The following DOCK10 variants were observed in gnomAD, a reference collection of about 807,000 sequenced individuals.
DOCK10 encodes the protein dedicator of cytokinesis 10.
A neutral mutation model predicts 280.1 loss-of-function variants in DOCK10; 145 were observed. The observed-to-expected ratio is 0.52, with a 90% CI of 0.45 to 0.59. The LOEUF (loss-of-function observed/expected upper bound fraction) is 0.59. DOCK10 is among the 20% of genes least tolerant of loss of function. The probability of loss-of-function intolerance (pLI) is 0.00; values close to 1 mark genes in which losing one functional copy is unlikely to be tolerated. For missense variants in DOCK10, 2,368 were observed against 2,651.7 expected, an observed-to-expected ratio of 0.89 and a Z score of 2.35; for synonymous variants, 915 against 942.2, an observed-to-expected ratio of 0.97 and a Z score of 0.53.
At chr2:224,921,112 A>AATATATATATATATATATATAT (rs1201609470) in intron 2 of DOCK10, among the ~76,000 whole-genome samples, 17 of 54,328 alleles carry the variant, frequency 3.1e-4, no homozygotes, top group South Asian at 6.4e-4. Flanking sequence ...AAAAAAAAAA[A>AATATATATATATATATATATAT]ATATATATAT....
At chr2:224,851,314 G>A (rs564376519) in intron 18 of DOCK10, among the ~76,000 whole-genome samples, 2 of 152,174 alleles carry the variant, frequency 1.3e-5, no homozygotes, top group East Asian at 1.9e-4. Flanking sequence ...TGCTCTACAG[G>A]CCAAACGTGC....
intron 51 of DOCK10, 28 bp from the exon 52 acceptor site, chr2:224,775,143 AGTG>A: frequency 6.2e-7 from 1 of 1,603,772 alleles, no homozygotes; most frequent in Non-Finnish European, 8.5e-7. Flanking sequence ...GGGCAAAGTG[AGTG>A]GTGTGCCCTG....
chr2:224,814,380 A>C lies in DOCK10; in HGVS notation c.3365-16T>G, dbSNP rs1693985519. 2 of 1,492,326 alleles carry C rather than the reference A, an allele frequency of 1.3e-6. No homozygotes were observed. Among genetic ancestry groups the C allele is most frequent in the African/African-American group, 2.8e-5 (2 of 71,032 alleles). 92.4% of individuals were successfully genotyped at this position (1,492,326 alleles called of 1,614,324 possible). A position where few individuals can be genotyped will look rare whatever the true frequency, so the allele number is the denominator to read the frequency against. Reference sequence around the variant, plus strand: ...GTCAAAGGATCTGAATTTAATATAAATAAAAAGTTCAGATATATACATATA... The same window carrying C: ...GTCAAAGGATCTGAATTTAATATAACTAAAAAGTTCAGATATATACATATA... On this transcript the variant is annotated splice_polypyrimidine_tract_variant and intron_variant, in intron 30 of 55. Transcript: ENST00000258390.
intron 2 of DOCK10, among the ~76,000 whole-genome samples, chr2:224,926,937 T>C (rs1018716940): frequency 6.6e-6 from 1 of 152,250 alleles, no homozygotes; most frequent in African/African-American, 2.4e-5. Context: ...GTCTCTGTCC[T>C]GCTAGAGGCT....
intron 3 of DOCK10, 137 bp downstream of exon 3, chr2:224,916,558 A>C: frequency 1.8e-6 from 1 of 544,806 alleles, no homozygotes. Context: ...AAAAAAAAAA[A>C]AAAAGACATC....
At position 224,844,888 on chromosome 2, in the gene DOCK10, AAAAT is replaced by A. The variant is rs752461555; in HGVS notation, c.2482-53_2482-50del. The A allele has an allele frequency of 1.6e-5, 20 of 1,270,842 alleles. No individual in the cohort carries two copies. The East Asian group carries it at 1.9e-4, about 12-fold the overall frequency. The allele number at this position is 1,270,842 out of a possible 1,614,324, so 78.7% of individuals were successfully genotyped here. A position where few individuals can be genotyped will look rare whatever the true frequency, so the allele number is the denominator to read the frequency against. On this transcript the variant is annotated intron_variant, in intron 21 of 55. Transcript: ENST00000258390. ...GTCACTGGGACAATTCGAGAGAAAG[AAAAT>A]AAATAGATTGTTTAGTTTATGTTAA...
intron 2 of DOCK10, among the ~76,000 whole-genome samples, chr2:224,929,408 T>A (rs574596350): frequency 6.6e-5 from 10 of 152,132 alleles, no homozygotes; most frequent in Non-Finnish European, 1.3e-4. Flanking sequence ...TAGAATAGTA[T>A]GTTTGGAACT....
At chr2:224,968,467 C>A (rs889833427) in intron 1 of DOCK10, among the ~76,000 whole-genome samples, 1 of 152,204 alleles carries the variant, frequency 6.6e-6, no homozygotes, top group Non-Finnish European at 1.5e-5. Flanking sequence ...AATGACTGCC[C>A]TTTGGCACAT....
intron 1 of DOCK10, among the ~76,000 whole-genome samples, chr2:224,957,285 G>GCCCCC (rs35689409): frequency 1.9e-4 from 22 of 118,618 alleles, no homozygotes; most frequent in African/African-American, 4.7e-4. Context: ...TTTACTTTCC[G>GCCCCC]CCCCCCCCCG....
intron 22 of DOCK10, among the ~76,000 whole-genome samples, chr2:224,842,171 C>T (rs568711900): frequency 1.5e-4 from 23 of 152,288 alleles, no homozygotes; most frequent in Admixed American, 1.1e-3. Context: ...AATTACTTCC[C>T]TTGGTTGTGC....
chr2:225,032,405 G>T (rs757238445), intron 1 of DOCK10, among the ~76,000 whole-genome samples: 98 of 152,112 alleles, frequency 6.4e-4, no homozygotes, highest in Non-Finnish European at 2.8e-4. Context: ...GGTTCTGAAG[G>T]CATCTTATCT....
chr2:224,961,406 T>TTCCTTC (rs1704384504), intron 1 of DOCK10, among the ~76,000 whole-genome samples: 1 of 115,502 alleles, frequency 8.7e-6, no homozygotes, highest in African/African-American at 3.2e-5. Context: ...TTTTCTTTCT[T>TTCCTTC]TCTTTCTCTT....
At chr2:224,817,494 G>A (rs907338288) in intron 29 of DOCK10, among the ~76,000 whole-genome samples, 1 of 152,080 alleles carries the variant, frequency 6.6e-6, no homozygotes, top group East Asian at 1.9e-4. Flanking sequence ...ATATCTTGTG[G>A]CAACTTTAGT....
intron 1 of DOCK10, among the ~76,000 whole-genome samples, chr2:224,979,472 C>T (rs1220450169): frequency 6.6e-6 from 1 of 152,182 alleles, no homozygotes; most frequent in Non-Finnish European, 1.5e-5. Context: ...CTAGGTCTTC[C>T]TGATAGCTGT....
chr2:224,920,345 A>G (rs1028840223), intron 2 of DOCK10, among the ~76,000 whole-genome samples: 1 of 149,818 alleles, frequency 6.7e-6, no homozygotes, highest in African/African-American at 2.5e-5. Context: ...AAGTGCTGGG[A>G]TTACAGGCAT....
At chr2:225,035,629 C>A (rs991471278) in intron 1 of DOCK10, among the ~76,000 whole-genome samples, 3 of 120,100 alleles carry the variant, frequency 2.5e-5, no homozygotes, top group Admixed American at 1.8e-4. Context: ...TTAGTCAGTG[C>A]GGGCTGCCAT....
chr2:224,949,602 GA>G (rs1185219223), intron 1 of DOCK10, among the ~76,000 whole-genome samples: 1 of 152,168 alleles, frequency 6.6e-6, no homozygotes, highest in Non-Finnish European at 1.5e-5. Flanking sequence ...GAATGCAGAG[GA>G]AAGCATCCTG....
rs758446225 is a variant in DOCK10, at chr2:224,885,731, C to G, written c.687G>C (p.Glu229Asp). 8 of 1,613,788 alleles carry G rather than the reference C, an allele frequency of 5.0e-6. No homozygotes were observed. The South Asian group carries it at 8.8e-5, about 18-fold the overall frequency. The stretch of plus-strand genomic sequence containing the variant: ...ATCCTTTGGGTTCTTTGGATATTTT[C>G]TCATCTTTGTAAAAGTTCATAATGT... Reference protein sequence around the residue: ...NSYIMNFYKDEKISKEPKGCI... With the variant: ...NSYIMNFYKDDKISKEPKGCI... The change falls in exon 7 of 56, where the codon GAG becomes GAC. Residue 229 changes from glutamate (E) to aspartate (D), a missense_variant. By Grantham distance (45) the Glu-to-Asp change is conservative. Around this residue, in one of 2 missense-constraint regions of DOCK10, gnomAD observed 1,209 missense variants for 1,250.9 expected, o/e 0.97. Coordinates refer to ENST00000258390, the MANE Select transcript of DOCK10 (RefSeq NM_014689.3).
At chr2:224,825,580 G>A (rs888435896) in intron 27 of DOCK10, among the ~76,000 whole-genome samples, 1 of 152,062 alleles carries the variant, frequency 6.6e-6, no homozygotes, top group Non-Finnish European at 1.5e-5. Context: ...CATATCATAC[G>A]TACATTTTCC....
Sources: allele counts gnomAD v4.1 joint callset (sites outside exome capture counted in the v4.1 genomes callset), GRCh38; gene constraint gnomAD v4.1.1; regional missense constraint gnomAD v4.1.1; transcripts MANE v1.5; gene names NCBI Gene and HGNC (gene_info 2026-07-23, HGNC 2026-07-21).